The following CFAP251 variants were observed in gnomAD, a reference collection of about 807,000 sequenced individuals.
CFAP251 encodes the protein cilia and flagella associated protein 251.
A neutral mutation model predicts 126.7 loss-of-function variants in CFAP251; 93 were observed. That is an observed-to-expected ratio of 0.73 (90% CI 0.62 to 0.87). CFAP251 has a LOEUF of 0.87. CFAP251 is among the 40% of genes least tolerant of loss of function. The probability of loss-of-function intolerance (pLI) is 0.00; values close to 1 mark genes in which losing one functional copy is unlikely to be tolerated. For synonymous variants in CFAP251, 503 were observed against 506.9 expected, an observed-to-expected ratio of 0.99 and a Z score of 0.10; for missense variants, 1,287 against 1,389.2, an observed-to-expected ratio of 0.93 and a Z score of 1.17.
chr12:121,999,943 A>G lies in CFAP251; in HGVS notation c.3234A>G (p.Lys1078=), dbSNP rs201604276. 1.9e-6 allele frequency: 3 copies of G among 1,609,376 alleles called. No homozygotes were observed. Among genetic ancestry groups the G allele is most frequent in the Admixed American group, 3.3e-5 (2 of 59,964 alleles). ...REDFLRLLVT[K]GEHMTEEEML... ...ACTTCCTGAGACTGCTCGTTACTAA[A>G]GGTAAGCACATACATCAGGATGTCT... The change falls in exon 20 of 22, where the codon AAA becomes AAG. Residue 1078 remains lysine, a splice_region_variant and synonymous_variant. Transcript: ENST00000288912.
chr12:121,960,142 C>A (rs181853968), intron 13 of CFAP251, among the ~76,000 whole-genome samples: 1 of 152,014 alleles, frequency 6.6e-6, no homozygotes, highest in Non-Finnish European at 1.5e-5. Flanking sequence ...TCAAAAAAAA[C>A]CCAAAAAAAC....
chr12:121,979,324 G>A (rs1040487534), intron 19 of CFAP251, among the ~76,000 whole-genome samples: 1 of 152,190 alleles, frequency 6.6e-6, no homozygotes, highest in African/African-American at 2.4e-5. Context: ...GTGTTCCAGA[G>A]AGTGGCATTT....
At chr12:121,935,810 G>A (rs566159911) in intron 5 of CFAP251, among the ~76,000 whole-genome samples, 68 of 152,300 alleles carry the variant, frequency 4.5e-4, no homozygotes, top group Admixed American at 7.8e-4. Flanking sequence ...CCGGAAGGCC[G>A]GGGTTGTGTT....
At chr12:122,002,166 C>A (rs780932836) in intron 21 of CFAP251, among the ~76,000 whole-genome samples, 3 of 151,954 alleles carry the variant, frequency 2.0e-5, no homozygotes, top group Non-Finnish European at 4.4e-5. Flanking sequence ...ACCAGCCTGA[C>A]CAACATGGTG....
chr12:121,970,585 G>A (rs1482260462), intron 17 of CFAP251, among the ~76,000 whole-genome samples: 5 of 152,212 alleles, frequency 3.3e-5, no homozygotes, highest in African/African-American at 1.2e-4. Flanking sequence ...CAGAAGTACT[G>A]TATGGATTGC....
intron 17 of CFAP251, among the ~76,000 whole-genome samples, chr12:121,970,429 C>T (rs1470629185): frequency 1.3e-5 from 2 of 152,164 alleles, no homozygotes; most frequent in Non-Finnish European, 2.9e-5. Flanking sequence ...AGGCAAGTCC[C>T]TTCACTTCTC....
rs1882420646 is a variant in CFAP251, at chr12:121,974,994, C to T, written c.2772-250C>T. ...TTGCAGACAAATTGCCAAGCACCTG[C>T]CCTGTCATCATCAAGAGAATATCAC... On this transcript the variant is annotated intron_variant, in intron 17 of 21. Coordinates refer to ENST00000288912, the MANE Select transcript of CFAP251 (RefSeq NM_144668.6). The surrounding 1 kb of genome is among the most constrained non-coding windows in gnomAD (Gnocchi z 4.6). Among the ~76,000 whole-genome samples the T allele has an allele frequency of 6.6e-6, 1 of 152,200 alleles. No individual in the cohort carries two copies. Among genetic ancestry groups the T allele is most frequent in the Admixed American group, 6.5e-5 (1 of 15,278 alleles).
Position 121,962,023 on chromosome 12 carries a change from C to T in CFAP251, c.2353C>T (p.Leu785=). The T allele has an allele frequency of 6.2e-7, 1 of 1,613,920 alleles. No individual in the cohort carries two copies. Among genetic ancestry groups the T allele is most frequent in the South Asian group, 1.1e-5 (1 of 91,064 alleles). ...LRSYKDHLEV[L]DIHHTDQGCY... is the part of the protein sequence containing the mutation. ...GAGCTACAAAGACCACCTGGAAGTC[C>T]TGGACATTCACCACACCGACCAGGG... Residue 785 remains leucine (L), a synonymous_variant, in exon 15 of 22, where the codon CTG becomes TTG. Transcript: ENST00000288912.
rs749357017 is a variant in CFAP251 at position 121,931,891 on chromosome 12, G to T, written c.888+5G>T. ...AACAATCAATACCACCTTCAGGTATGCAGGGATTTCCTTCCTACAGGTGGG... is the reference window on the plus strand; with the variant it reads ...AACAATCAATACCACCTTCAGGTATTCAGGGATTTCCTTCCTACAGGTGGG... On this transcript the variant is annotated splice_donor_5th_base_variant and intron_variant, in intron 4 of 21. Coordinates refer to ENST00000288912, the MANE Select transcript of CFAP251 (RefSeq NM_144668.6). 6.5e-7 allele frequency: 1 copy of T among 1,536,586 alleles called. No individual in the cohort carries two copies. The highest frequency in any genetic ancestry group is 8.7e-7 in the Non-Finnish European group (1 of 1,143,858).
At chr12:121,928,526 A>G (rs1002380402) in intron 3 of CFAP251, among the ~76,000 whole-genome samples, 1 of 151,214 alleles carries the variant, frequency 6.6e-6, no homozygotes, top group Non-Finnish European at 1.5e-5. Flanking sequence ...TTTTGTTTCT[A>G]TATGCCAATT....
chr12:121,924,491 G>C lies in CFAP251; in HGVS notation c.747+501G>C, dbSNP rs1286489360. Reference sequence around the variant, plus strand: ...CTTTTTGCCCAGGCTGGAGTGCAATGGCACGATCTTGGCTCACTGCAACCT... The same window carrying C: ...CTTTTTGCCCAGGCTGGAGTGCAATCGCACGATCTTGGCTCACTGCAACCT... On this transcript the variant is annotated intron_variant, in intron 3 of 21. Transcript: ENST00000288912. 2.2e-5 allele frequency among the ~76,000 whole-genome samples: 3 copies of C among 139,400 alleles called. No homozygotes were observed. The East Asian group carries it at 6.3e-4, about 29-fold the overall frequency. 91.5% of individuals were successfully genotyped at this position (139,400 alleles called of 152,430 possible).
At chr12:121,924,805 C>T (rs1880343720) in intron 3 of CFAP251, among the ~76,000 whole-genome samples, 1 of 152,178 alleles carries the variant, frequency 6.6e-6, no homozygotes, top group African/African-American at 2.4e-5. Context: ...TTGAGAGCGG[C>T]ATCTGCGTTC....
intron 2 of CFAP251, among the ~76,000 whole-genome samples, chr12:121,922,757 C>T (rs1286507631): frequency 6.8e-6 from 1 of 147,392 alleles, no homozygotes; most frequent in Non-Finnish European, 1.5e-5. Context: ...TGAACACACC[C>T]ACGTTTGTCC....
At chr12:121,983,979 C>A (rs1206031507) in intron 19 of CFAP251, among the ~76,000 whole-genome samples, 1 of 152,184 alleles carries the variant, frequency 6.6e-6, no homozygotes, top group East Asian at 1.9e-4. Context: ...TGAGATGTAG[C>A]CGCTCCCCCT....
chr12:121,931,369 A>G (rs947466180), intron 3 of CFAP251, among the ~76,000 whole-genome samples: 2 of 151,450 alleles, frequency 1.3e-5, no homozygotes, highest in African/African-American at 4.9e-5. Context: ...CTGGAGTGCG[A>G]TGGCGCGATC....
In CFAP251 at chr12:121,923,628, C is replaced by T. The variant is rs775997863; in HGVS notation, c.385C>T (p.Gln129Ter). 1.9e-6 allele frequency: 3 copies of T among 1,602,044 alleles called. No individual in the cohort carries two copies. The highest frequency in any genetic ancestry group is 1.8e-5 in the Admixed American group (1 of 56,714). Reference sequence around the variant, plus strand: ...ATTTTATTTCTTTTTAAAGAAAACCCAAAGAGGTAGCAAGTCAAAGCTTTC... The same window carrying T: ...ATTTTATTTCTTTTTAAAGAAAACCTAAAGAGGTAGCAAGTCAAAGCTTTC... Reference protein sequence around the residue: ...SITSGIFPKTQRGSKSKLSLQ... With the variant: ...SITSGIFPKT The change falls in exon 3 of 22, where the codon CAA (glutamine) becomes TAA (stop). Residue 129 changes from glutamine (Q) to a stop codon, truncating the protein, a stop_gained. Coordinates refer to ENST00000288912, the MANE Select transcript of CFAP251 (RefSeq NM_144668.6). LOFTEE classifies it high-confidence loss of function.
At chr12:121,991,511 T>G (rs773186627) in intron 19 of CFAP251, among the ~76,000 whole-genome samples, 1 of 152,140 alleles carries the variant, frequency 6.6e-6, no homozygotes, top group East Asian at 1.9e-4. Flanking sequence ...ATGCAAATGG[T>G]CAGACCCTAT....
rs189912131 is a variant in CFAP251 at position 121,959,114 on chromosome 12, A to C, written c.2133+20A>C. ...ACTGCTGTAAGTATTTTCATGGACA[A>C]CCCATCCAGTGGCTTAGCAATTTTA... On this transcript the variant is annotated intron_variant, in intron 13 of 21. Coordinates refer to ENST00000288912, the MANE Select transcript of CFAP251 (RefSeq NM_144668.6). 1.3e-6 allele frequency: 2 copies of C among 1,568,668 alleles called. No individual in the cohort carries two copies. Among genetic ancestry groups the C allele is most frequent in the Non-Finnish European group, 1.7e-6 (2 of 1,162,096 alleles).
At chr12:121,923,405 C>T (rs1195022437) in intron 2 of CFAP251, among the ~76,000 whole-genome samples, 3 of 152,132 alleles carry the variant, frequency 2.0e-5, no homozygotes, top group Non-Finnish European at 2.9e-5. Context: ...GTGATCCTCC[C>T]CTCTTGGCCT....
Sources: gnomAD v4.1 joint callset for allele counts (sites outside exome capture counted in the v4.1 genomes callset) on GRCh38, gnomAD v4.1.1 for gene constraint, Gnocchi (gnomAD v3.1) non-coding constraint, MANE v1.5 for transcripts, NCBI Gene and HGNC (gene_info 2026-07-23, HGNC 2026-07-21) for gene names.